ARHGEF4: variants seen among roughly 807,000 people sequenced by gnomAD.
ARHGEF4 encodes APC-stimulated guanine nucleotide exchange factor 1.
In ARHGEF4, 119 loss-of-function variants were observed where a neutral mutation model predicts 162.0. The ratio of observed to expected loss-of-function variants is 0.73; its 90% CI spans 0.63 to 0.86. The LOEUF (loss-of-function observed/expected upper bound fraction) is 0.86, where lower values mean the gene tolerates loss of function less well. Among genes scored for constraint, ARHGEF4 ranks in the 40% least tolerant of loss-of-function variants. The pLI is 0.00. For synonymous variants in ARHGEF4, 1,014 were observed against 979.9 expected (o/e 1.03, Z -0.65); for missense variants, 2,488 against 2,456.0 (o/e 1.01, Z -0.28).
chr2:130,983,118 A>G (rs1309035166), intron 4 of ARHGEF4, among the ~76,000 whole-genome samples: 1 of 152,228 alleles, frequency 6.6e-6, no homozygotes, highest in East Asian at 1.9e-4. Flanking sequence ...AAATTACACA[A>G]AAAGTTTACC....
chr2:130,950,447 G>A (rs1177423184), intron 4 of ARHGEF4, among the ~76,000 whole-genome samples: 1 of 152,158 alleles, frequency 6.6e-6, no homozygotes, highest in East Asian at 1.9e-4. Flanking sequence ...TGGTAGTATG[G>A]TTATTTCACA....
At chr2:130,967,714 G>A (rs72861486) in intron 4 of ARHGEF4, among the ~76,000 whole-genome samples, 2 of 152,316 alleles carry the variant, frequency 1.3e-5, no homozygotes, top group East Asian at 1.9e-4. Context: ...TCACAGCACA[G>A]GGAGACAGAC....
rs1484358038 is a variant in ARHGEF4, at chr2:130,926,693, G to A, written c.3553-4259G>A. Among the ~76,000 whole-genome samples the A allele has an allele frequency of 2.6e-5, 4 of 151,682 alleles. No homozygotes were observed. In the East Asian group the frequency reaches 7.7e-4, roughly 29 times the overall value. On this transcript the variant is annotated intron_variant, in intron 2 of 13. Transcript: ENST00000409359. ...GATGAGAGTTAAGATTTTACAACAA[G>A]CTTGCACCGATAGCTTGGTGTAAGA...
intron 4 of ARHGEF4, among the ~76,000 whole-genome samples, chr2:130,984,561 C>T (rs917771871): frequency 1.2e-4 from 18 of 148,802 alleles, no homozygotes; most frequent in Non-Finnish European, 2.2e-4. Context: ...GTAGTGGCTG[C>T]GCCTGTAATC....
rs545696885 is a variant in ARHGEF4, at chr2:131,005,438, C to T, written c.3986-22507C>T. Among the ~76,000 whole-genome samples, 157 of 152,320 alleles carry T rather than the reference C, an allele frequency of 1.0e-3. 1 individual carries two copies. Among genetic ancestry groups the T allele is most frequent in the African/African-American group, 3.5e-3 (146 of 41,588 alleles). On this transcript the variant is annotated intron_variant, in intron 4 of 13. Transcript: ENST00000409359. ...CCACTCCCTGCCGTCCTCAGGCTCC[C>T]ATGGGGCTCCAAGTCCCAGCTTTCT...
intron 1 of ARHGEF4, among the ~76,000 whole-genome samples, chr2:130,894,966 A>T (rs988541970): frequency 3.3e-5 from 5 of 152,234 alleles, no homozygotes; most frequent in African/African-American, 9.6e-5. Context: ...ACATACAGCA[A>T]AATTCACTTT....
At chr2:130,872,709 T>C (rs1678570480) in intron 1 of ARHGEF4, among the ~76,000 whole-genome samples, 1 of 152,188 alleles carries the variant, frequency 6.6e-6, no homozygotes, top group Non-Finnish European at 1.5e-5. Flanking sequence ...TTCCCTGTTG[T>C]TTCGGGATTA....
Position 130,916,298 on chromosome 2 carries a change from C to A in ARHGEF4, c.2352C>A (p.Gly784=). 6.5e-7 allele frequency: 1 copy of A among 1,539,832 alleles called. No individual in the cohort carries two copies. The highest frequency in any genetic ancestry group is 8.7e-7 in the Non-Finnish European group (1 of 1,143,924). The change falls in exon 2 of 14, where the codon GGC becomes GGA. Residue 784 remains glycine (G), a synonymous_variant. Transcript: ENST00000409359. ...AGCCGCCACGCGGGCTCCGCAAGGGCGCGCAGGAGCCTGGGAAGCGCCCGA... is the reference window on the plus strand; with the variant it reads ...AGCCGCCACGCGGGCTCCGCAAGGGAGCGCAGGAGCCTGGGAAGCGCCCGA... ...PPQPPRGLRK[G]AQEPGKRPTF...
At chr2:131,009,489 A>G (rs1163760911) in intron 4 of ARHGEF4, among the ~76,000 whole-genome samples, 2 of 152,100 alleles carry the variant, frequency 1.3e-5, no homozygotes, top group Non-Finnish European at 2.9e-5. Flanking sequence ...CTCCTCATGT[A>G]TGTTAGACCA....
chr2:130,980,857 C>T (rs1427429460), intron 4 of ARHGEF4, among the ~76,000 whole-genome samples: 2 of 152,146 alleles, frequency 1.3e-5, no homozygotes, highest in African/African-American at 4.8e-5. Flanking sequence ...ATATAATTTC[C>T]TTAAGGATAA....
At chr2:130,963,733 G>C (rs1250862398) in intron 4 of ARHGEF4, 5 of 146,840 alleles carry the variant, frequency 3.4e-5, no homozygotes, top group African/African-American at 1.2e-4. Context: ...CGCCCGCCGG[G>C]CGGCCGGTAG....
At chr2:130,990,619 G>A (rs923500823) in intron 4 of ARHGEF4, among the ~76,000 whole-genome samples, 8 of 151,876 alleles carry the variant, frequency 5.3e-5, no homozygotes, top group African/African-American at 1.7e-4. Flanking sequence ...GGGAGGCCCT[G>A]AAGAGGAGAG....
intron 4 of ARHGEF4, chr2:130,947,298 G>A (rs1683684126): frequency 6.6e-6 from 1 of 152,338 alleles, no homozygotes; most frequent in South Asian, 2.1e-4. Flanking sequence ...GAGGGATGAG[G>A]CAGGAGAATC....
intron 4 of ARHGEF4, among the ~76,000 whole-genome samples, chr2:130,955,231 T>G (rs541962116): frequency 6.6e-6 from 1 of 152,340 alleles, no homozygotes; most frequent in South Asian, 2.1e-4. Context: ...GTGAACATGT[T>G]TATAATTACT....
intron 1 of ARHGEF4, among the ~76,000 whole-genome samples, chr2:130,889,188 C>T (rs1216423792): frequency 1.3e-5 from 2 of 151,868 alleles, no homozygotes; most frequent in East Asian, 3.9e-4. Flanking sequence ...ACGTATTTAA[C>T]TTACCAAATT....
At position 130,914,920 on chromosome 2, in the gene ARHGEF4, G is replaced by T. The variant is rs1681393040; in HGVS notation, c.974G>T (p.Arg325Ile). ...TTGDKNRASP[R>I]LNCGHMRALV... Reference sequence around the variant, plus strand: ...GGTGACAAGAACAGGGCATCCCCCAGACTCAACTGTGGGCACATGAGGGCA... The same window carrying T: ...GGTGACAAGAACAGGGCATCCCCCATACTCAACTGTGGGCACATGAGGGCA... Residue 325 changes from arginine (R) to isoleucine (I), a missense_variant, in exon 2 of 14, where the codon AGA becomes ATA. Transcript: ENST00000409359. 8 of 1,532,248 alleles carry T rather than the reference G, an allele frequency of 5.2e-6. No individual in the cohort carries two copies. In the South Asian group the frequency reaches 9.9e-5, roughly 19 times the overall value. The allele number at this position is 1,532,248 out of a possible 1,614,324, so 94.9% of individuals were successfully genotyped here.
At chr2:130,852,535 G>C (rs1026332515) in intron 1 of ARHGEF4, among the ~76,000 whole-genome samples, 4 of 152,034 alleles carry the variant, frequency 2.6e-5, no homozygotes, top group South Asian at 4.2e-4. Context: ...TGGTGGGGGT[G>C]GGGGGGACTG....
chr2:130,913,687 C>G (rs1447006428), intron 1 of ARHGEF4, among the ~76,000 whole-genome samples: 1 of 152,224 alleles, frequency 6.6e-6, no homozygotes, highest in African/African-American at 2.4e-5. Context: ...CGCCATGACT[C>G]ATGCAACATT....
chr2:130,984,754 C>A (rs11694092), intron 4 of ARHGEF4, among the ~76,000 whole-genome samples: 110,250 of 151,540 alleles, frequency 0.73, 40,980 homozygotes, highest in East Asian at 0.88. Flanking sequence ...GACACACACA[C>A]ACAATCGCCA....
Sources: allele counts gnomAD v4.1 joint callset (sites outside exome capture counted in the v4.1 genomes callset), GRCh38; gene constraint gnomAD v4.1.1; transcripts MANE v1.5; gene names NCBI Gene and HGNC (gene_info 2026-07-23, HGNC 2026-07-21).